SPOCK2: variants seen among roughly 807,000 people sequenced by gnomAD.
SPOCK2 encodes testican-2.
A neutral mutation model predicts 60.1 loss-of-function variants in SPOCK2; 39 were observed. That is an observed-to-expected ratio of 0.65 (90% confidence interval 0.50 to 0.85). SPOCK2 has a LOEUF of 0.85. Ranked by LOEUF, SPOCK2 falls within the 40% of genes least tolerant of loss-of-function variation. The pLI is 0.00. For missense variants in SPOCK2, 523 were observed against 567.4 expected, an observed-to-expected ratio of 0.92 and a Z score of 0.80; for synonymous variants, 217 against 231.5, an observed-to-expected ratio of 0.94 and a Z score of 0.57.
intron 1 of SPOCK2, among the ~76,000 whole-genome samples, chr10:72,073,574 C>A (rs1234298075): frequency 6.6e-6 from 1 of 152,206 alleles, no homozygotes; most frequent in African/African-American, 2.4e-5. Context: ...CTGGTCCAGC[C>A]CCCCCTTTGT....
At position 72,072,541 on chromosome 10, in the gene SPOCK2, T is replaced by C. The variant is rs1779884814; in HGVS notation, c.206A>G (p.Tyr69Cys). 4 of 1,613,814 alleles carry C rather than the reference T, an allele frequency of 2.5e-6. No homozygotes were observed. The highest frequency in any genetic ancestry group is 1.3e-5 in the African/African-American group (1 of 74,922). ...CTGATTGTCCTCCCAGCTCTTGATA[T>C]AGTCATCCTAGAGGACAGAGAGGGA... The part of the protein sequence containing the change: ...NRFRDEVEDD[Y>C]IKSWEDNQQG... Residue 69 changes from tyrosine to cysteine, a missense_variant, in exon 3 of 11, where the codon TAT becomes TGT. Physicochemically the swap from Tyr to Cys is radical, Grantham distance 194. Transcript: ENST00000373109.
chr10:72,084,700 C>CT (rs775565135), intron 1 of SPOCK2, among the ~76,000 whole-genome samples: 21 of 152,188 alleles, frequency 1.4e-4, no homozygotes, highest in Non-Finnish European at 2.5e-4. Context: ...AATCTCAGCT[C>CT]TGCTACTTAC....
chr10:72,086,772 T>A, intron 1 of SPOCK2: 2 of 1,477,120 alleles, frequency 1.4e-6, no homozygotes, highest in Non-Finnish European at 1.8e-6. Flanking sequence ...CTCTGTGAAT[T>A]ACAACCTGCC....
chr10:72,067,548 C>T, intron 7 of SPOCK2, 65 bp downstream of exon 7: 1 of 1,600,514 alleles, frequency 6.2e-7, no homozygotes. Context: ...GCCCAGCATA[C>T]ACCTGTGTCC....
intron 1 of SPOCK2, among the ~76,000 whole-genome samples, chr10:72,080,610 G>A (rs1840770914): frequency 6.6e-6 from 1 of 152,130 alleles, no homozygotes; most frequent in Non-Finnish European, 1.5e-5. Context: ...GAGGGGGTGG[G>A]GGTGGCTGGG....
chr10:72,081,288 G>A (rs566106023), intron 1 of SPOCK2, among the ~76,000 whole-genome samples: 5 of 152,330 alleles, frequency 3.3e-5, no homozygotes, highest in Admixed American at 2.0e-4. Context: ...ATAGGAGCCC[G>A]AACGATTTCA....
intron 1 of SPOCK2, among the ~76,000 whole-genome samples, chr10:72,075,510 C>T (rs1486776392): frequency 6.6e-5 from 10 of 152,218 alleles, no homozygotes; most frequent in Admixed American, 6.5e-4. Context: ...TAACCTCCAA[C>T]CAGGCCGTGA....
At position 72,067,739 on chromosome 10, in the gene SPOCK2, A is replaced by G; in HGVS notation, c.590-7T>C. 4 of 1,612,652 alleles carry G rather than the reference A, an allele frequency of 2.5e-6. No individual in the cohort carries two copies. Among genetic ancestry groups the G allele is most frequent in the Non-Finnish European group, 3.4e-6 (4 of 1,179,548 alleles). The stretch of plus-strand genomic sequence containing the variant: ...TCCTGACCGGTGCAAGTCTCTGCAG[A>G]ACAGAGAGAAGGCATGGAGGGCGAA... On this transcript the variant is annotated splice_region_variant and splice_polypyrimidine_tract_variant and intron_variant, in intron 6 of 10. Coordinates refer to ENST00000373109, the MANE Select transcript of SPOCK2 (RefSeq NM_001244950.2).
chr10:72,073,161 G>C (rs1456852177), intron 1 of SPOCK2, among the ~76,000 whole-genome samples: 1 of 152,190 alleles, frequency 6.6e-6, no homozygotes, highest in East Asian at 1.9e-4. Flanking sequence ...GGCTTTGAGA[G>C]GGTGGGGCAC....
rs75014074 is a variant in SPOCK2, at chr10:72,075,888, C to T, written c.190-2978G>A. 2.0e-5 allele frequency among the ~76,000 whole-genome samples: 3 copies of T among 152,226 alleles called. No homozygotes were observed. In the East Asian group the frequency reaches 5.8e-4, roughly 29 times the overall value. On this transcript the variant is annotated intron_variant, in intron 1 of 10. Transcript: ENST00000373109. ...GGGTCCTGCAGATCCCCAGGCTTCC[C>T]CCGACCAGTGCACCTTGGGCAAGCA...
intron 8 of SPOCK2, among the ~76,000 whole-genome samples, chr10:72,065,543 C>A (rs1222869021): frequency 6.6e-6 from 1 of 152,206 alleles, no homozygotes; most frequent in Non-Finnish European, 1.5e-5. Context: ...AGAATGTATC[C>A]CCCTCGTCAA....
intron 1 of SPOCK2, among the ~76,000 whole-genome samples, chr10:72,080,170 C>T (rs952279938): frequency 2.6e-5 from 4 of 152,154 alleles, no homozygotes; most frequent in Middle Eastern, 3.2e-3. Flanking sequence ...CACTTGAGGA[C>T]ACACAGCCAG....
chr10:72,062,953 A>G lies in SPOCK2; in HGVS notation c.1130-48T>C. 1 of 1,581,680 alleles carries G rather than the reference A, an allele frequency of 6.3e-7. No individual in the cohort carries two copies. Among genetic ancestry groups the G allele is most frequent in the Non-Finnish European group, 8.6e-7 (1 of 1,167,706 alleles). ...GGGGGTGAGGGAGCTTCTGGCACGC[A>G]CCCCCCAGCATCCCACGACAAGGGC... On this transcript the variant is annotated intron_variant, in intron 10 of 10. Coordinates refer to ENST00000373109, the MANE Select transcript of SPOCK2 (RefSeq NM_001244950.2). This position sits in a 1 kb window ranked among gnomAD's most constrained non-coding sequence, Gnocchi z 4.3.
intron 1 of SPOCK2, among the ~76,000 whole-genome samples, chr10:72,075,704 A>C (rs1231088382): frequency 6.6e-6 from 1 of 152,284 alleles, no homozygotes; most frequent in African/African-American, 2.4e-5. Context: ...CCTTCTGTGC[A>C]AAGCACTGCC....
At position 72,088,286 on chromosome 10, in the gene SPOCK2, G is replaced by A. The variant is rs1564552974; in HGVS notation, c.43C>T (p.Leu15Phe). The change falls in exon 1 of 11, where the codon CTC becomes TTC. Residue 15 changes from leucine (L) to phenylalanine (F), a missense_variant. Transcript: ENST00000373109. ...TCGGCCAGGGCTGCCGCGGCCAGGA[G>A]CAGCAGCGGCAGCACCAGCCGCCCG... ...GCGRLVLPLLLLAAAALAEGD... is the reference protein window; with the variant it reads ...GCGRLVLPLLFLAAAALAEGD... 5.0e-6 allele frequency: 8 copies of A among 1,599,836 alleles called. No homozygotes were observed. The highest frequency in any genetic ancestry group is 6.8e-6 in the Non-Finnish European group (8 of 1,174,306).
intron 1 of SPOCK2, among the ~76,000 whole-genome samples, chr10:72,085,428 G>C (rs909640746): frequency 1.3e-5 from 2 of 152,234 alleles, no homozygotes; most frequent in Non-Finnish European, 2.9e-5. Context: ...CTAGTGCTCA[G>C]AGAAAGATGC....
intron 1 of SPOCK2, among the ~76,000 whole-genome samples, chr10:72,082,853 CA>C (rs770751183): frequency 0.051 from 2,366 of 46,030 alleles, 14 homozygotes; most frequent in African/African-American, 0.08. Context: ...GACCCTGTCT[CA>C]AAAAAAAAAA....
At chr10:72,079,213 C>A (rs1406280619) in intron 1 of SPOCK2, among the ~76,000 whole-genome samples, 1 of 152,138 alleles carries the variant, frequency 6.6e-6, no homozygotes, top group Non-Finnish European at 1.5e-5. Flanking sequence ...AGAATCCGTG[C>A]CCCTAACCAG....
chr10:72,075,879 C>T (rs770826168), intron 1 of SPOCK2, among the ~76,000 whole-genome samples: 3 of 152,110 alleles, frequency 2.0e-5, no homozygotes, highest in Non-Finnish European at 4.4e-5. Context: ...TGCAGATCCC[C>T]AGGCTTCCCC....
Sources: gnomAD v4.1 joint callset for allele counts (sites outside exome capture counted in the v4.1 genomes callset) on GRCh38, gnomAD v4.1.1 for gene constraint, Gnocchi (gnomAD v3.1) non-coding constraint, MANE v1.5 for transcripts, NCBI Gene and HGNC (gene_info 2026-07-23, HGNC 2026-07-21) for gene names.